THSD4: variants seen among roughly 807,000 people sequenced by gnomAD.
THSD4 encodes the protein thrombospondin type 1 domain containing 4, also known as thrombospondin type-1 domain-containing protein 4.
Under a neutral mutation model 119.0 loss-of-function variants are expected in THSD4, and 69 were observed. That is an observed-to-expected ratio of 0.58 (90% CI 0.48 to 0.71). The LOEUF is 0.71. Ranked by LOEUF, THSD4 falls within the 30% of genes least tolerant of loss-of-function variation. The pLI is 0.00. For missense variants in THSD4, 1,393 were observed against 1,391.1 expected, an observed-to-expected ratio of 1.00 and a Z score of -0.02; for synonymous variants, 524 against 540.4, an observed-to-expected ratio of 0.97 and a Z score of 0.42.
At position 71,587,970 on chromosome 15, in the gene THSD4, T is replaced by C. The variant is rs118027877; in HGVS notation, c.1153-72560T>C. On this transcript the variant is annotated intron_variant, in intron 7 of 17. Coordinates refer to ENST00000261862, the MANE Select transcript of THSD4 (RefSeq NM_024817.3). ...GATCCTCTACCTCTAAAACCAGTAC[T>C]CTCCCTGTGGCATAGTTTCATTGTC... 4.6e-4 allele frequency among the ~76,000 whole-genome samples: 70 copies of C among 152,152 alleles called. No homozygotes were observed. The East Asian group carries it at 0.01, about 22-fold the overall frequency.
At chr15:71,264,258 G>T (rs1353659521) in intron 6 of THSD4, among the ~76,000 whole-genome samples, 1 of 152,220 alleles carries the variant, frequency 6.6e-6, no homozygotes, top group African/African-American at 2.4e-5. Flanking sequence ...CATTCCCGCA[G>T]CCCACCCCTG....
intron 6 of THSD4, among the ~76,000 whole-genome samples, chr15:71,353,373 G>A (rs1258608941): frequency 6.6e-6 from 1 of 152,164 alleles, no homozygotes. Context: ...CACTTAATCT[G>A]ATTGCAAAAG....
At chr15:71,250,900 A>T (rs2044252989) in intron 5 of THSD4, among the ~76,000 whole-genome samples, 1 of 152,186 alleles carries the variant, frequency 6.6e-6, no homozygotes, top group Non-Finnish European at 1.5e-5. Context: ...CTAGGAGAAC[A>T]TTATGAACTT....
chr15:71,558,277 G>A (rs1314745653), intron 7 of THSD4, among the ~76,000 whole-genome samples: 1 of 152,126 alleles, frequency 6.6e-6, no homozygotes, highest in Non-Finnish European at 1.5e-5. Context: ...GCAGTGAGCT[G>A]CGACTGCACC....
At chr15:71,662,469 A>G (rs113184554) in intron 8 of THSD4, among the ~76,000 whole-genome samples, 2 of 152,318 alleles carry the variant, frequency 1.3e-5, no homozygotes, top group Admixed American at 1.3e-4. Flanking sequence ...ATGAGATCAC[A>G]TCTCCATAAA....
intron 7 of THSD4, among the ~76,000 whole-genome samples, chr15:71,492,737 G>GTC (rs200340067): frequency 1.4e-5 from 2 of 139,662 alleles, no homozygotes; most frequent in African/African-American, 6.0e-5. Flanking sequence ...AGTTAGCCCA[G>GTC]GGTCTTTTTC....
At chr15:71,687,338 G>A (rs1431189059) in intron 8 of THSD4, among the ~76,000 whole-genome samples, 1 of 152,102 alleles carries the variant, frequency 6.6e-6, no homozygotes, top group Admixed American at 6.5e-5. Context: ...TTTGCTGTTA[G>A]GACCAGGAAG....
At chr15:71,646,398 T>C (rs1430767167) in intron 7 of THSD4, among the ~76,000 whole-genome samples, 1 of 152,210 alleles carries the variant, frequency 6.6e-6, no homozygotes, top group African/African-American at 2.4e-5. Flanking sequence ...TGTTCTCTGC[T>C]GGAGAAATGC....
At chr15:71,255,223 T>TCA (rs746920820) in intron 5 of THSD4, among the ~76,000 whole-genome samples, 71 of 151,490 alleles carry the variant, frequency 4.7e-4, no homozygotes, top group African/African-American at 1.3e-3. Flanking sequence ...TTCTGATTAT[T>TCA]CACACACACA....
intron 4 of THSD4, among the ~76,000 whole-genome samples, chr15:71,222,171 G>A (rs1336462221): frequency 6.6e-6 from 1 of 152,128 alleles, no homozygotes; most frequent in Non-Finnish European, 1.5e-5. Flanking sequence ...GACTCCCTGT[G>A]GCCCAGAACC....
chr15:71,694,924 A>C (rs2141058728), intron 8 of THSD4, among the ~76,000 whole-genome samples: 1 of 152,230 alleles, frequency 6.6e-6, no homozygotes, highest in East Asian at 1.9e-4. Context: ...AGCAGCCCAC[A>C]GGAGATGGAG....
chr15:71,128,515 A>G (rs2040474369), intron 1 of THSD4, among the ~76,000 whole-genome samples: 1 of 121,576 alleles, frequency 8.2e-6, no homozygotes, highest in Non-Finnish European at 1.7e-5. Context: ...TGACACAGTG[A>G]GACTCTGCCT....
chr15:71,723,468 T>G (rs1368681614), intron 8 of THSD4, among the ~76,000 whole-genome samples: 1 of 152,228 alleles, frequency 6.6e-6, no homozygotes, highest in Non-Finnish European at 1.5e-5. Context: ...ATTGCCTATT[T>G]ATTATTCTTT....
intron 5 of THSD4, among the ~76,000 whole-genome samples, chr15:71,249,616 A>G (rs1389030343): frequency 2.0e-5 from 3 of 152,164 alleles, no homozygotes; most frequent in African/African-American, 7.2e-5. Flanking sequence ...ATATACACAC[A>G]CACACATTTA....
intron 6 of THSD4, among the ~76,000 whole-genome samples, chr15:71,292,164 T>C (rs1846966173): frequency 6.6e-6 from 1 of 152,244 alleles, no homozygotes; most frequent in Non-Finnish European, 1.5e-5. Flanking sequence ...CTGCTTGTGG[T>C]AAGACCAATG....
chr15:71,381,477 C>T (rs1427484838), intron 6 of THSD4, among the ~76,000 whole-genome samples: 1 of 152,196 alleles, frequency 6.6e-6, no homozygotes, highest in African/African-American at 2.4e-5. Flanking sequence ...TAAAGACAGT[C>T]AGTTTCTTCC....
chr15:71,099,096 G>C (rs914511086), intron 1 of THSD4, among the ~76,000 whole-genome samples: 7 of 152,126 alleles, frequency 4.6e-5, no homozygotes, highest in Non-Finnish European at 8.8e-5. Context: ...TGGGTTAGAG[G>C]GTGAAGTAAG....
At chr15:71,197,954 CT>C (rs1360194512) in intron 3 of THSD4, among the ~76,000 whole-genome samples, 3 of 152,182 alleles carry the variant, frequency 2.0e-5, no homozygotes, top group South Asian at 4.2e-4. Flanking sequence ...ACATGTGTGG[CT>C]TAGAAGCTGG....
chr15:71,524,013 A>G (rs1315028668), intron 7 of THSD4, among the ~76,000 whole-genome samples: 1 of 152,250 alleles, frequency 6.6e-6, no homozygotes, highest in Non-Finnish European at 1.5e-5. Context: ...GAAGGTTTCT[A>G]GAGGACAGTC....
Sources: gnomAD v4.1 joint callset for allele counts (sites outside exome capture counted in the v4.1 genomes callset) on GRCh38, gnomAD v4.1.1 for gene constraint, MANE v1.5 for transcripts, NCBI Gene and HGNC (gene_info 2026-07-23, HGNC 2026-07-21) for gene names.